The following SSBP3 variants were observed in gnomAD, a reference collection of about 807,000 sequenced individuals.
SSBP3 encodes the protein single stranded DNA binding protein 3.
A neutral mutation model predicts 69.6 loss-of-function variants in SSBP3; 5 were observed. That is an observed-to-expected ratio of 0.07 (90% CI 0.04 to 0.15). The LOEUF is 0.15. Among genes scored for constraint, SSBP3 ranks in the 10% least tolerant of loss-of-function variants. The pLI, the probability that SSBP3 is intolerant of heterozygous loss-of-function variation, is 1.00. For missense variants in SSBP3, 312 were observed against 534.0 expected (o/e 0.58, Z 4.10); for synonymous variants, 196 against 193.4 (o/e 1.01, Z -0.11).
At chr1:54,249,784 G>GAA (rs34204635) in intron 9 of SSBP3, among the ~76,000 whole-genome samples, 52 of 145,454 alleles carry the variant, frequency 3.6e-4, no homozygotes, top group Admixed American at 8.8e-4. Context: ...CCTGTTAAAA[G>GAA]AAAAAAAAAA....
At chr1:54,277,005 T>C (rs1325613658) in intron 5 of SSBP3, among the ~76,000 whole-genome samples, 1 of 152,184 alleles carries the variant, frequency 6.6e-6, no homozygotes, top group Non-Finnish European at 1.5e-5. Context: ...TCTGCTAGGC[T>C]GGCTGCTCCT....
chr1:54,271,178 G>C (rs779049401), intron 5 of SSBP3, among the ~76,000 whole-genome samples: 1 of 152,106 alleles, frequency 6.6e-6, no homozygotes, highest in Non-Finnish European at 1.5e-5. Flanking sequence ...TGGTGTGATC[G>C]AGGCTCACTG....
intron 4 of SSBP3, among the ~76,000 whole-genome samples, chr1:54,290,255 T>C (rs750931128): frequency 2.6e-5 from 4 of 152,088 alleles, no homozygotes; most frequent in South Asian, 2.1e-4. Context: ...CCCTCATCAT[T>C]TGCTAAGGAA....
At chr1:54,260,050 A>G (rs942888660) in intron 5 of SSBP3, among the ~76,000 whole-genome samples, 1 of 152,258 alleles carries the variant, frequency 6.6e-6, no homozygotes, top group Non-Finnish European at 1.5e-5. Context: ...TTAACAGTAC[A>G]GGGAAGGAAA....
intron 4 of SSBP3, among the ~76,000 whole-genome samples, chr1:54,348,641 T>A (rs1292122497): frequency 1.3e-5 from 2 of 152,218 alleles, no homozygotes; most frequent in Non-Finnish European, 2.9e-5. Flanking sequence ...AGGAGATGGC[T>A]GGGCAGATAG....
chr1:54,385,200 C>T lies in SSBP3; in HGVS notation c.276+16661G>A, dbSNP rs545689432. ...AGCTGGCACTTAGGAAGAGAAAGAT[C>T]GTTTGGGGACAGGGAGCAGGATGAA... On this transcript the variant is annotated intron_variant, in intron 4 of 17. Transcript: ENST00000610401. Among the ~76,000 whole-genome samples, 29 of 152,258 alleles carry T rather than the reference C, an allele frequency of 1.9e-4. No individual in the cohort carries two copies. In the East Asian group the frequency reaches 2.9e-3, roughly 15 times the overall value.
intron 7 of SSBP3, among the ~76,000 whole-genome samples, chr1:54,254,810 A>G (rs1267090430): frequency 6.6e-6 from 1 of 152,112 alleles, no homozygotes; most frequent in Non-Finnish European, 1.5e-5. Context: ...CTGGAAAACC[A>G]GTGTGGATTT....
intron 7 of SSBP3, among the ~76,000 whole-genome samples, chr1:54,254,946 C>T (rs1463530632): frequency 6.6e-6 from 1 of 152,156 alleles, no homozygotes; most frequent in Admixed American, 6.5e-5. Context: ...GATTCTCCTG[C>T]CTCAGCCTCC....
At chr1:54,398,148 G>T (rs116782812) in intron 4 of SSBP3, among the ~76,000 whole-genome samples, 148 of 152,300 alleles carry the variant, frequency 9.7e-4, no homozygotes, top group African/African-American at 3.6e-3. Flanking sequence ...CTGGCTGCCT[G>T]CCCTTGGACA....
intron 9 of SSBP3, among the ~76,000 whole-genome samples, chr1:54,244,270 A>G (rs993348501): frequency 6.6e-6 from 1 of 152,202 alleles, no homozygotes; most frequent in Non-Finnish European, 1.5e-5. Context: ...TGTCGGGCTG[A>G]TATTTGTATT....
chr1:54,307,364 A>AAC (rs552176950), intron 4 of SSBP3, among the ~76,000 whole-genome samples: 28 of 152,212 alleles, frequency 1.8e-4, no homozygotes, highest in African/African-American at 5.5e-4. Flanking sequence ...ATCCAGGGAG[A>AAC]ACCAACCTCT....
intron 4 of SSBP3, among the ~76,000 whole-genome samples, chr1:54,343,450 C>T (rs1171028421): frequency 6.6e-6 from 1 of 152,222 alleles, no homozygotes; most frequent in Non-Finnish European, 1.5e-5. Flanking sequence ...TCAAACCACA[C>T]GGTGACTATC....
At chr1:54,234,354 A>AC (rs1553122172) in intron 14 of SSBP3, among the ~76,000 whole-genome samples, 1 of 118,298 alleles carries the variant, frequency 8.5e-6, no homozygotes, top group African/African-American at 3.2e-5. Context: ...AAAAAAATAA[A>AC]TTAAAAAAAA....
At position 54,241,529 on chromosome 1, in the gene SSBP3, G is replaced by C. The variant is rs756170497; in HGVS notation, c.766-20C>G. The C allele has an allele frequency of 6.2e-7, 1 of 1,613,608 alleles. No individual in the cohort carries two copies. Among genetic ancestry groups the C allele is most frequent in the Non-Finnish European group, 8.5e-7 (1 of 1,179,838 alleles). The stretch of plus-strand genomic sequence containing the variant: ...TGGAATCTAAAAACAAGATGTCAGG[G>C]AGCCCCACGTCAGAGTCACTGAGTG... On this transcript the variant is annotated intron_variant, in intron 11 of 17. Transcript: ENST00000610401.
At chr1:54,273,325 C>A (rs947621227) in intron 5 of SSBP3, among the ~76,000 whole-genome samples, 12 of 152,088 alleles carry the variant, frequency 7.9e-5, no homozygotes, top group Non-Finnish European at 1.8e-4. Flanking sequence ...CATGCGTGCA[C>A]ACAGGCATGC....
chr1:54,239,749 G>C (rs2100628690), intron 13 of SSBP3, among the ~76,000 whole-genome samples: 1 of 152,322 alleles, frequency 6.6e-6, no homozygotes, highest in African/African-American at 2.4e-5. Context: ...AGCAGAAAGA[G>C]AGAGCCGGAG....
intron 1 of SSBP3, 149 bp from the exon 2 acceptor site, chr1:54,405,079 A>T (rs1649619469): frequency 4.3e-6 from 3 of 704,352 alleles, no homozygotes; most frequent in East Asian, 5.4e-5. Flanking sequence ...CACCCCAAAC[A>T]GGGCCGCCAG....
chr1:54,362,665 T>C (rs1646967960), intron 4 of SSBP3, among the ~76,000 whole-genome samples: 1 of 152,216 alleles, frequency 6.6e-6, no homozygotes, highest in Non-Finnish European at 1.5e-5. Context: ...CTTGAAAGCA[T>C]CTGAAAATAG....
intron 4 of SSBP3, among the ~76,000 whole-genome samples, chr1:54,370,702 A>C (rs1400889898): frequency 6.6e-6 from 1 of 152,176 alleles, no homozygotes; most frequent in Non-Finnish European, 1.5e-5. Flanking sequence ...CAAAGTGTCC[A>C]GTGCAGGGGA....
Sources: gnomAD v4.1 joint callset for allele counts (sites outside exome capture counted in the v4.1 genomes callset) on GRCh38, gnomAD v4.1.1 for gene constraint, MANE v1.5 for transcripts, NCBI Gene and HGNC (gene_info 2026-07-23, HGNC 2026-07-21) for gene names.